The following ZFPM2 variants were observed in gnomAD, a reference collection of about 807,000 sequenced individuals.
ZFPM2 encodes zinc finger protein, FOG family member 2.
Under a neutral mutation model 98.6 loss-of-function variants are expected in ZFPM2, and 20 were observed. The observed-to-expected ratio is 0.20, with a 90% CI of 0.14 to 0.29. ZFPM2 has a LOEUF of 0.29. Ranked by LOEUF, ZFPM2 falls within the 10% of genes least tolerant of loss-of-function variation. The pLI is 1.00. For synonymous variants in ZFPM2, 518 were observed against 502.7 expected (o/e 1.03, Z -0.41); for missense variants, 1,310 against 1,388.6 (o/e 0.94, Z 0.90).
chr8:105,445,129 A>T (rs1248142058), intron 3 of ZFPM2, among the ~76,000 whole-genome samples: 1 of 152,212 alleles, frequency 6.6e-6, no homozygotes, highest in Non-Finnish European at 1.5e-5. Flanking sequence ...AACATTTTTC[A>T]TTAAGAAAGA....
intron 4 of ZFPM2, among the ~76,000 whole-genome samples, chr8:105,626,252 C>T (rs149599873): frequency 1.6e-3 from 237 of 152,158 alleles, no homozygotes; most frequent in African/African-American, 5.4e-3. Context: ...TGAATTATTC[C>T]TGGGCATATT....
intron 3 of ZFPM2, among the ~76,000 whole-genome samples, chr8:105,537,337 A>AT (rs1222347888): frequency 2.0e-5 from 3 of 152,090 alleles, no homozygotes; most frequent in East Asian, 3.9e-4. Context: ...TGGATTATTG[A>AT]TTTTTTCTGG....
At chr8:105,573,065 A>G (rs998660012) in intron 4 of ZFPM2, among the ~76,000 whole-genome samples, 2 of 152,164 alleles carry the variant, frequency 1.3e-5, no homozygotes, top group African/African-American at 4.8e-5. Flanking sequence ...GGGGACAGAC[A>G]GGTCTTGGTG....
intron 3 of ZFPM2, among the ~76,000 whole-genome samples, chr8:105,534,018 TCTTCCCTTCCTCCCTCCCTC>T (rs1223690522): frequency 3.2e-4 from 8 of 25,236 alleles, no homozygotes; most frequent in Non-Finnish European, 4.5e-4. Context: ...CTTCCTCCCT[TCTTCCCTTCCTCCCTCCCTC>T]CCTCCCTTCC....
chr8:105,633,346 A>G (rs1465530428), intron 4 of ZFPM2, among the ~76,000 whole-genome samples: 3 of 152,176 alleles, frequency 2.0e-5, no homozygotes, highest in Non-Finnish European at 2.9e-5. Flanking sequence ...TATACAGAAC[A>G]TGGACTGGAG....
chr8:105,743,066 A>G (rs1340902820), intron 5 of ZFPM2, among the ~76,000 whole-genome samples: 2 of 152,104 alleles, frequency 1.3e-5, no homozygotes, highest in Middle Eastern at 3.2e-3. Flanking sequence ...ATTCAAACAG[A>G]TTTTTAGAGT....
At chr8:105,368,424 C>G (rs559979938) in intron 1 of ZFPM2, among the ~76,000 whole-genome samples, 1 of 152,260 alleles carries the variant, frequency 6.6e-6, no homozygotes, top group African/African-American at 2.4e-5. Flanking sequence ...TTTATTTGCT[C>G]TTTGTACTCT....
intron 5 of ZFPM2, among the ~76,000 whole-genome samples, chr8:105,775,913 G>A (rs1205094645): frequency 1.3e-5 from 2 of 152,040 alleles, no homozygotes; most frequent in Non-Finnish European, 2.9e-5. Context: ...CATTAATTCA[G>A]GTTTTCCAGA....
At chr8:105,773,079 A>G (rs1346746771) in intron 5 of ZFPM2, among the ~76,000 whole-genome samples, 3 of 152,244 alleles carry the variant, frequency 2.0e-5, no homozygotes, top group African/African-American at 7.2e-5. Context: ...AATTAAATAA[A>G]TAAAGCCCAC....
intron 5 of ZFPM2, among the ~76,000 whole-genome samples, chr8:105,748,151 C>CGT (rs1388485277): frequency 1.3e-5 from 2 of 151,968 alleles, no homozygotes; most frequent in Non-Finnish European, 1.5e-5. Flanking sequence ...ACCACACACA[C>CGT]CTATGATAAA....
intron 3 of ZFPM2, among the ~76,000 whole-genome samples, chr8:105,549,775 C>A (rs1482659715): frequency 6.6e-6 from 1 of 151,690 alleles, no homozygotes; most frequent in Non-Finnish European, 1.5e-5. Flanking sequence ...CGATGTCTGG[C>A]TAATTTTTTG....
chr8:105,724,014 T>C (rs1261782204), intron 5 of ZFPM2, among the ~76,000 whole-genome samples: 1 of 151,808 alleles, frequency 6.6e-6, no homozygotes, highest in African/African-American at 2.4e-5. Context: ...CTGTCTAAAA[T>C]TATCAAACCA....
chr8:105,790,429 G>A (rs1813570441), intron 6 of ZFPM2, among the ~76,000 whole-genome samples: 1 of 152,170 alleles, frequency 6.6e-6, no homozygotes, highest in Non-Finnish European at 1.5e-5. Context: ...TGAGGGCTCT[G>A]TTCTGTTCCA....
Position 105,766,465 on chromosome 8 carries a change from C to A in ZFPM2, c.533-22253C>A, listed in dbSNP as rs572978089. 3.9e-5 allele frequency among the ~76,000 whole-genome samples: 6 copies of A among 152,024 alleles called. No individual in the cohort carries two copies. The South Asian group carries it at 1.2e-3, about 31-fold the overall frequency. On this transcript the variant is annotated intron_variant, in intron 5 of 7. Coordinates refer to ENST00000407775, the MANE Select transcript of ZFPM2 (RefSeq NM_012082.4). ...ATCTTACTTGAGTGGGGAACAGGAT[C>A]AGACTTGTGTTTCAGCCACACATTC...
At chr8:105,418,885 TG>T in intron 1 of ZFPM2, 4 of 568,266 alleles carry the variant, frequency 7.0e-6, no homozygotes, top group South Asian at 3.4e-5. Context: ...GGCTTGAGGT[TG>T]GGGGTGGGGA....
intron 5 of ZFPM2, among the ~76,000 whole-genome samples, chr8:105,697,882 GA>G (rs1193002297): frequency 4.6e-5 from 7 of 151,812 alleles, no homozygotes; most frequent in South Asian, 2.1e-4. Flanking sequence ...GAGAGCCATA[GA>G]AAAAAAACTG....
chr8:105,667,459 A>T (rs1817511241), intron 5 of ZFPM2, among the ~76,000 whole-genome samples: 1 of 152,240 alleles, frequency 6.6e-6, no homozygotes, highest in Non-Finnish European at 1.5e-5. Flanking sequence ...ATGTGAATAG[A>T]TTTAAAAATA....
At position 105,707,744 on chromosome 8, in the gene ZFPM2, A is replaced by G. The variant is rs114792706; in HGVS notation, c.532+73387A>G. On this transcript the variant is annotated intron_variant, in intron 5 of 7. Coordinates refer to ENST00000407775, the MANE Select transcript of ZFPM2 (RefSeq NM_012082.4). ...AACACTTTTTCAATGAAGGAAACAAAGAATTAAATTATATTATGACTGATA... is the reference window on the plus strand; with the variant it reads ...AACACTTTTTCAATGAAGGAAACAAGGAATTAAATTATATTATGACTGATA... 5.6e-3 allele frequency among the ~76,000 whole-genome samples: 850 copies of G among 152,268 alleles called. 8 individuals carry two copies. Among genetic ancestry groups the G allele is most frequent in the African/African-American group, 0.019 (777 of 41,508 alleles).
At chr8:105,413,462 A>G (rs1386468704) in intron 1 of ZFPM2, among the ~76,000 whole-genome samples, 1 of 148,828 alleles carries the variant, frequency 6.7e-6, no homozygotes, top group African/African-American at 2.5e-5. Context: ...TGGCTCGATT[A>G]TGATGTCACA....
Sources: gnomAD v4.1 joint callset for allele counts (sites outside exome capture counted in the v4.1 genomes callset) on GRCh38, gnomAD v4.1.1 for gene constraint, MANE v1.5 for transcripts, NCBI Gene and HGNC (gene_info 2026-07-23, HGNC 2026-07-21) for gene names.